The following FMO5 variants were observed in gnomAD, a reference collection of about 807,000 sequenced individuals.
The protein encoded by FMO5 is flavin-containing monooxygenase 5.
FMO5 carries 51 observed loss-of-function variants against 43.6 expected under a neutral mutation model. The observed-to-expected ratio is 1.17, with a 90% CI of 0.93 to 1.48. FMO5 has a LOEUF of 1.48. Among genes scored for constraint, FMO5 ranks in the 40% most tolerant of loss-of-function variants. FMO5 has a pLI of 0.00. For synonymous variants in FMO5, 187 were observed against 216.5 expected, an observed-to-expected ratio of 0.86 and a Z score of 1.20; for missense variants, 644 against 643.0, an observed-to-expected ratio of 1.00 and a Z score of -0.02.
At chr1:147,200,129 G>T (rs886768223) in intron 7 of FMO5, among the ~76,000 whole-genome samples, 14 of 152,246 alleles carry the variant, frequency 9.2e-5, no homozygotes, top group African/African-American at 2.9e-4. Context: ...GAGGCAGCTG[G>T]TTCCATCATG....
chr1:147,203,882 T>C, intron 6 of FMO5: 4 of 1,578,414 alleles, frequency 2.5e-6, no homozygotes, highest in Non-Finnish European at 2.6e-6. Flanking sequence ...TTCTGAGAGG[T>C]AAACACTGTC....
rs2101999101 is a variant in FMO5 at position 147,215,893 on chromosome 1, T to C, written c.185A>G (p.Asn62Ser). 2 of 1,612,988 alleles carry C rather than the reference T, an allele frequency of 1.2e-6. No homozygotes were observed. Among genetic ancestry groups the C allele is most frequent in the East Asian group, 2.2e-5 (1 of 44,846 alleles). The change falls in exon 3 of 9, where the codon AAT becomes AGT. Residue 62 changes from asparagine (N) to serine (S), a missense_variant. Asn to Ser is a conservative substitution (Grantham distance 46, BLOSUM62 1). Transcript: ENST00000254090. ...RASIYKSVII[N>S]TSKEMMCFSD... Reference sequence around the variant, plus strand: ...GAAGCACATCATCTCTTTAGAAGTATTGATGATCACTGATTTGTAAATACT... The same window carrying C: ...GAAGCACATCATCTCTTTAGAAGTACTGATGATCACTGATTTGTAAATACT...
chr1:147,219,816 T>C lies in FMO5; in HGVS notation c.136-3874A>G, dbSNP rs587745757. 2.0e-5 allele frequency among the ~76,000 whole-genome samples: 3 copies of C among 149,424 alleles called. No individual in the cohort carries two copies. The South Asian group carries it at 6.3e-4, about 32-fold the overall frequency. ...GAGTACAGCAGGGTTGCAGGATACA[T>C]GGTTAACATACAAATGTTAATTGCT... On this transcript the variant is annotated intron_variant, in intron 2 of 8. Transcript: ENST00000254090.
At chr1:147,216,827 A>T (rs1662074682) in intron 2 of FMO5, among the ~76,000 whole-genome samples, 1 of 152,214 alleles carries the variant, frequency 6.6e-6, no homozygotes, top group South Asian at 2.1e-4. Flanking sequence ...CATCTTAGCA[A>T]AATCTTCATG....
chr1:147,184,478 A>G (rs1325871942), downstream of FMO5: 9 of 1,505,752 alleles, frequency 6.0e-6, no homozygotes, highest in East Asian at 2.3e-4. This position sits in a 1 kb window ranked among gnomAD's most constrained non-coding sequence, Gnocchi z 4.4. Context: ...AGGATACTAC[A>G]TTACATTTAG....
chr1:147,204,609 G>T (rs6593745), intron 6 of FMO5: 1 of 1,590,968 alleles, frequency 6.3e-7, no homozygotes, highest in Non-Finnish European at 8.6e-7. Flanking sequence ...GGAGAGCTCC[G>T]GCAAATACCA....
intron 2 of FMO5, among the ~76,000 whole-genome samples, chr1:147,216,976 C>T (rs1397452835): frequency 1.3e-5 from 2 of 152,212 alleles, no homozygotes; most frequent in African/African-American, 4.8e-5. Flanking sequence ...CGTGGTGGCT[C>T]ATGCCTGTAA....
downstream of FMO5, chr1:147,184,520 G>A: frequency 6.5e-7 from 1 of 1,546,608 alleles, no homozygotes; most frequent in Non-Finnish European, 8.7e-7. This position sits in a 1 kb window ranked among gnomAD's most constrained non-coding sequence, Gnocchi z 4.4. Context: ...CTTTATTCCG[G>A]GACAATTTCT....
upstream of FMO5, among the ~76,000 whole-genome samples, chr1:147,226,914 C>T (rs1268921236): frequency 6.6e-6 from 1 of 151,532 alleles, no homozygotes; most frequent in Non-Finnish European, 1.5e-5. Context: ...CTCACTGCAG[C>T]CTCTATCTCC....
intron 2 of FMO5, among the ~76,000 whole-genome samples, chr1:147,223,306 A>G (rs587752243): frequency 6.6e-6 from 1 of 152,312 alleles, no homozygotes; most frequent in African/African-American, 2.4e-5. Flanking sequence ...AGCTAAGGGG[A>G]TCCACTCCAG....
At chr1:147,211,847 G>A (rs1019120202) in intron 5 of FMO5, among the ~76,000 whole-genome samples, 7 of 152,308 alleles carry the variant, frequency 4.6e-5, no homozygotes, top group Non-Finnish European at 1.0e-4. Flanking sequence ...CAAGCTGCTT[G>A]CATGTGCTAC....
chr1:147,225,187 C>T, intron 1 of FMO5, 100 bp downstream of exon 1: 2 of 1,462,076 alleles, frequency 1.4e-6, no homozygotes, highest in South Asian at 2.8e-5. Context: ...ACAGATTCGA[C>T]GGTCCTCTTC....
In FMO5 at chr1:147,213,295, G is replaced by A. The variant is rs1553924139; in HGVS notation, c.487+13C>T. 6.3e-7 allele frequency: 1 copy of A among 1,594,414 alleles called. No homozygotes were observed. The highest frequency in any genetic ancestry group is 1.2e-5 in the South Asian group (1 of 86,874). ...CATGGGTCAAGGGTCTTCCTTCCTG[G>A]TAAGCTGCTCACCAGGGAAGCTTTC... On this transcript the variant is annotated intron_variant, in intron 4 of 8. Coordinates refer to ENST00000254090, the MANE Select transcript of FMO5 (RefSeq NM_001461.4).
intron 7 of FMO5, among the ~76,000 whole-genome samples, chr1:147,190,789 C>T (rs1656587242): frequency 6.6e-6 from 1 of 151,930 alleles, no homozygotes; most frequent in Admixed American, 6.6e-5. Context: ...CCCATTAACT[C>T]GTCATTTAGC....
downstream of FMO5, among the ~76,000 whole-genome samples, chr1:147,185,054 T>C (rs1162638640): frequency 1.3e-5 from 2 of 152,088 alleles, no homozygotes; most frequent in Non-Finnish European, 2.9e-5. Context: ...CAAGATATGG[T>C]AAATTGATGA....
intron 2 of FMO5, among the ~76,000 whole-genome samples, chr1:147,222,135 C>A (rs1488838180): frequency 6.6e-6 from 1 of 152,070 alleles, no homozygotes; most frequent in Non-Finnish European, 1.5e-5. Flanking sequence ...CTTGGGAGGC[C>A]GAGGTGAGCA....
chr1:147,213,322 A>G lies in FMO5; in HGVS notation c.473T>C (p.Leu158Pro), dbSNP rs782068768. 3.7e-6 allele frequency: 6 copies of G among 1,609,512 alleles called. No individual in the cohort carries two copies. In the South Asian group the frequency reaches 6.7e-5, roughly 18 times the overall value. ...TGHHTNAHLP[L>P]ESFPGIEKFK... ...AAGCTGCTCACCAGGGAAGCTTTCCAGAGGTAGATGAGCATTGGTGTGATG... is the reference window on the plus strand; with the variant it reads ...AAGCTGCTCACCAGGGAAGCTTTCCGGAGGTAGATGAGCATTGGTGTGATG... Residue 158 changes from leucine to proline, a missense_variant, in exon 4 of 9, where the codon CTG becomes CCG. Transcript: ENST00000254090.
chr1:147,192,353 A>G (rs1288335768), intron 7 of FMO5, among the ~76,000 whole-genome samples: 2 of 152,002 alleles, frequency 1.3e-5, no homozygotes, highest in African/African-American at 4.8e-5. Context: ...ATTTTTGTAC[A>G]TTGATTTTGT....
chr1:147,191,742 T>C (rs1427674649), intron 7 of FMO5, among the ~76,000 whole-genome samples: 1 of 151,982 alleles, frequency 6.6e-6, no homozygotes, highest in African/African-American at 2.4e-5. Flanking sequence ...TAGCCAGTTT[T>C]CCCAGCACCA....
Sources: gnomAD v4.1 joint callset for allele counts (sites outside exome capture counted in the v4.1 genomes callset) on GRCh38, gnomAD v4.1.1 for gene constraint, Gnocchi (gnomAD v3.1) non-coding constraint, MANE v1.5 for transcripts, NCBI Gene and HGNC (gene_info 2026-07-23, HGNC 2026-07-21) for gene names.